The following SNU13 variants were observed in gnomAD, a reference collection of about 807,000 sequenced individuals.
SNU13 encodes NHP2-like protein 1.
In SNU13, 2 loss-of-function variants were observed where a neutral mutation model predicts 12.4. The ratio of observed to expected loss-of-function variants is 0.16; its 90% CI spans 0.07 to 0.51. The LOEUF is 0.51. Ranked by LOEUF, SNU13 falls within the 20% of genes least tolerant of loss-of-function variation. The pLI, the probability that SNU13 is intolerant of heterozygous loss-of-function variation, is 0.96. For missense variants in SNU13, 66 were observed against 157.8 expected (o/e 0.42, Z 3.12); for synonymous variants, 68 against 66.5 (o/e 1.02, Z -0.11).
intron 1 of SNU13, among the ~76,000 whole-genome samples, chr22:41,687,010 C>T (rs2068316505): frequency 6.6e-6 from 1 of 151,774 alleles, no homozygotes; most frequent in Non-Finnish European, 1.5e-5. Context: ...GGCTGGAGTG[C>T]AGTGGTGTGA....
chr22:41,683,699 T>C (rs2068285343), intron 1 of SNU13, among the ~76,000 whole-genome samples: 1 of 152,168 alleles, frequency 6.6e-6, no homozygotes, highest in African/African-American at 2.4e-5. Context: ...TTTGTAACTT[T>C]TATATCTATT....
Position 41,682,616 on chromosome 22 carries a change from A to C in SNU13, c.4-2252T>G, listed in dbSNP as rs551206254. 7 of 1,385,290 alleles carry C rather than the reference A, an allele frequency of 5.1e-6. No homozygotes were observed. In the South Asian group the frequency reaches 9.2e-5, roughly 18 times the overall value. The allele number at this position is 1,385,290 out of a possible 1,614,324, so 85.8% of individuals were successfully genotyped here. ...GGAAGAATTAGGTGAAGGATGGAGGAGTTCTCTAAAGGAAGGGGGTTGGGG... is the reference window on the plus strand; with the variant it reads ...GGAAGAATTAGGTGAAGGATGGAGGCGTTCTCTAAAGGAAGGGGGTTGGGG... On this transcript the variant is annotated intron_variant, in intron 1 of 2. Transcript: ENST00000401959.
At chr22:41,685,503 G>A (rs1408270547) in intron 1 of SNU13, among the ~76,000 whole-genome samples, 3 of 151,740 alleles carry the variant, frequency 2.0e-5, no homozygotes, top group South Asian at 2.1e-4. Context: ...ACAGGCATGC[G>A]CCACCATGCC....
intron 1 of SNU13, 37 bp from the exon 2 acceptor site, chr22:41,680,401 C>A: frequency 1.3e-6 from 2 of 1,585,882 alleles, no homozygotes; most frequent in Non-Finnish European, 1.7e-6. Context: ...ACAAATTGAG[C>A]CAGAAGTTTT....
At chr22:41,680,849 C>T (rs1260809377) in intron 1 of SNU13, among the ~76,000 whole-genome samples, 1 of 152,192 alleles carries the variant, frequency 6.6e-6, no homozygotes, top group African/African-American at 2.4e-5. Context: ...CGTGCACCAC[C>T]ATGCCAGGCT....
chr22:41,682,690 A>C, intron 1 of SNU13: 1 of 636,060 alleles, frequency 1.6e-6, no homozygotes, highest in South Asian at 2.5e-5. Context: ...TCATACATTT[A>C]TTTATTTAGA....
chr22:41,679,963 A>G (rs1179935190), intron 2 of SNU13: 1 of 248,378 alleles, frequency 4.0e-6, no homozygotes, highest in Non-Finnish European at 7.8e-6. Context: ...TGGTGAGGTC[A>G]TACAGCCACT....
Position 41,674,813 on chromosome 22 carries a change from T to G in SNU13, c.*120A>C. ...ACAACACAAAAATCCAGAAACCAGA[T>G]TTAGTACTACATTTTATAACAATAG... On this transcript the variant is annotated 3_prime_UTR_variant, in exon 3 of 3. Coordinates refer to ENST00000401959, the MANE Select transcript of SNU13 (RefSeq NM_001003796.2). 7.3e-7 allele frequency: 1 copy of G among 1,365,500 alleles called. No homozygotes were observed. The highest frequency in any genetic ancestry group is 9.9e-7 in the Non-Finnish European group (1 of 1,005,800). 84.6% of individuals were successfully genotyped at this position (1,365,500 alleles called of 1,614,324 possible).
chr22:41,689,137 G>T (rs2068339267), upstream of SNU13: 7 of 1,035,682 alleles, frequency 6.8e-6, no homozygotes, highest in South Asian at 2.9e-4. Context: ...CGAGGCGGGC[G>T]CATCACCTGA....
chr22:41,688,144 G>A (rs2068327142), intron 1 of SNU13: 1 of 152,226 alleles, frequency 6.6e-6, no homozygotes, highest in Non-Finnish European at 1.5e-5. Context: ...CGCCGCACGT[G>A]GTGCTACCAG....
Position 41,674,032 on chromosome 22 carries a change from T to G in SNU13, c.*901A>C, listed in dbSNP as rs2068188400. 1 of 152,208 alleles carries G rather than the reference T, an allele frequency of 6.6e-6. No homozygotes were observed. The highest frequency in any genetic ancestry group is 2.4e-5 in the African/African-American group (1 of 41,442). 9.4% of individuals were successfully genotyped at this position (152,208 alleles called of 1,614,324 possible). On this transcript the variant is annotated 3_prime_UTR_variant, in exon 3 of 3. Coordinates refer to ENST00000401959, the MANE Select transcript of SNU13 (RefSeq NM_001003796.2). The stretch of plus-strand genomic sequence containing the variant: ...TGACAGAGAGTACATCTGACCCACA[T>G]GGTGGCAGGACACAGGGGAAGGGCT...
intron 1 of SNU13, among the ~76,000 whole-genome samples, chr22:41,687,219 A>C (rs1018416812): frequency 6.6e-6 from 1 of 152,072 alleles, no homozygotes; most frequent in African/African-American, 2.4e-5. Flanking sequence ...AGCCTCCCAA[A>C]GTGCTGGGAT....
Position 41,688,863 on chromosome 22 carries a change from C to T in SNU13, c.-67G>A. On this transcript the variant is annotated 5_prime_UTR_variant, in exon 1 of 3. Transcript: ENST00000401959. ...CTGACGTTTCAGAAGCACTCGCGTG[C>T]ACCGGAAAAACTCACAGAAGCAGCA... is the stretch of plus-strand genomic sequence containing the variant. The T allele has an allele frequency of 3.3e-6, 5 of 1,531,698 alleles. No homozygotes were observed. The highest frequency in any genetic ancestry group is 1.9e-5 in the Admixed American group (1 of 51,784). 94.9% of individuals were successfully genotyped at this position (1,531,698 alleles called of 1,614,324 possible).
intron 1 of SNU13, among the ~76,000 whole-genome samples, chr22:41,684,301 T>C (rs998565413): frequency 2.6e-5 from 4 of 152,258 alleles, no homozygotes; most frequent in African/African-American, 9.6e-5. Flanking sequence ...CAGTATGCTC[T>C]ACTTTCTATT....
At chr22:41,682,030 G>A (rs560635063) in intron 1 of SNU13, among the ~76,000 whole-genome samples, 1 of 151,950 alleles carries the variant, frequency 6.6e-6, no homozygotes, top group Admixed American at 6.6e-5. Context: ...TTATATACAA[G>A]GATATATTCA....
At chr22:41,688,772 C>T (rs760731624) in intron 1 of SNU13, 22 bp downstream of exon 1, 1 of 1,598,870 alleles carries the variant, frequency 6.3e-7, no homozygotes, top group African/African-American at 1.3e-5. Context: ...TTCCCGGTCC[C>T]TCGGCCGGCG....
intron 1 of SNU13, among the ~76,000 whole-genome samples, chr22:41,683,891 G>C (rs559895847): frequency 6.6e-6 from 1 of 151,890 alleles, no homozygotes; most frequent in Admixed American, 6.6e-5. Context: ...CAGGAGTTTA[G>C]GAGCAGGGTT....
At chr22:41,686,414 C>T (rs1260295756) in intron 1 of SNU13, among the ~76,000 whole-genome samples, 1 of 151,502 alleles carries the variant, frequency 6.6e-6, no homozygotes, top group African/African-American at 2.4e-5. Context: ...AAGGAATTCT[C>T]CTGCCTCAGC....
At chr22:41,687,027 C>T (rs1354863559) in intron 1 of SNU13, among the ~76,000 whole-genome samples, 1 of 151,864 alleles carries the variant, frequency 6.6e-6, no homozygotes, top group Non-Finnish European at 1.5e-5. Flanking sequence ...GTGATCTTGG[C>T]TCACTGCAAC....
Sources: gnomAD v4.1 joint callset for allele counts (sites outside exome capture counted in the v4.1 genomes callset) on GRCh38, gnomAD v4.1.1 for gene constraint, MANE v1.5 for transcripts, NCBI Gene and HGNC (gene_info 2026-07-23, HGNC 2026-07-21) for gene names.